Variants in ZEB1 observed in about 807,000 individuals in gnomAD.
ZEB1 encodes zinc finger E-box-binding homeobox 1.
A neutral mutation model predicts 84.9 loss-of-function variants in ZEB1; 21 were observed. That is an observed-to-expected ratio of 0.25 (90% confidence interval 0.18 to 0.36). The LOEUF is 0.36. Ranked by LOEUF, ZEB1 falls within the 10% of genes least tolerant of loss-of-function variation. The probability of loss-of-function intolerance (pLI) is 1.00; values close to 1 mark genes in which losing one functional copy is unlikely to be tolerated. For synonymous variants in ZEB1, 420 were observed against 471.1 expected (o/e 0.89, Z 1.41); for missense variants, 1,104 against 1,330.2 (o/e 0.83, Z 2.65).
chr10:31,352,943 C>G (rs2041545798), intron 1 of ZEB1, among the ~76,000 whole-genome samples: 1 of 152,172 alleles, frequency 6.6e-6, no homozygotes, highest in Admixed American at 6.5e-5. Flanking sequence ...TGTATTGTTG[C>G]AGCCATCTAT....
At chr10:31,342,437 G>A (rs1389351416) in intron 1 of ZEB1, among the ~76,000 whole-genome samples, 1 of 152,122 alleles carries the variant, frequency 6.6e-6, no homozygotes, top group African/African-American at 2.4e-5. Context: ...TATCATCAGA[G>A]AGTAAAATGG....
At chr10:31,470,317 A>C (rs1399774238) in intron 2 of ZEB1, among the ~76,000 whole-genome samples, 162 of 147,056 alleles carry the variant, frequency 1.1e-3, no homozygotes, top group African/African-American at 3.9e-3. Context: ...AACTTTGAAA[A>C]AAATTTAGAA....
intron 1 of ZEB1, among the ~76,000 whole-genome samples, chr10:31,413,836 T>C (rs112411564): frequency 1.4e-4 from 22 of 152,190 alleles, no homozygotes; most frequent in African/African-American, 5.1e-4. Context: ...TCATAGCGAT[T>C]AACTTGATAA....
At position 31,458,025 on chromosome 10, in the gene ZEB1, G is replaced by A. The variant is rs72639511; in HGVS notation, c.59-3012G>A. Reference sequence around the variant, plus strand: ...CTCAAGATACCAAAGATGTCCAGAAGCCTCCCTTCGCAAAACAGCAGGAAT... The same window carrying A: ...CTCAAGATACCAAAGATGTCCAGAAACCTCCCTTCGCAAAACAGCAGGAAT... On this transcript the variant is annotated intron_variant, in intron 1 of 8. Transcript: ENST00000424869. 0.013 allele frequency among the ~76,000 whole-genome samples: 1,963 copies of A among 152,134 alleles called. 109 individuals carry two copies. In the East Asian group the frequency reaches 0.18, roughly 14 times the overall value.
At chr10:31,444,254 G>T (rs1319583563) in intron 1 of ZEB1, among the ~76,000 whole-genome samples, 1 of 106,896 alleles carries the variant, frequency 9.4e-6, no homozygotes, top group African/African-American at 3.8e-5. Context: ...ACTTTTTGAT[G>T]GGGTTGTTTG....
chr10:31,486,620 G>A (rs1464030641), intron 2 of ZEB1, among the ~76,000 whole-genome samples: 3 of 146,750 alleles, frequency 2.0e-5, no homozygotes, highest in Admixed American at 1.4e-4. Context: ...TAGGGTACAT[G>A]TTCACAATGT....
In ZEB1 at chr10:31,520,463, T is replaced by C. The variant is rs1319263957; in HGVS notation, c.1131T>C (p.Thr377=). The change falls in exon 7 of 9, where the codon ACT becomes ACC. Residue 377 remains threonine, a synonymous_variant. Transcript: ENST00000424869. This position sits in a 1 kb window ranked among gnomAD's most constrained non-coding sequence, Gnocchi z 5.1. ...CCCCTTTACAAAATGGGGTTTTCAC[T>C]GGTGGTGGCCCATTACAGGCAACCA... ...CSTPLQNGVF[T]GGGPLQATSS... 2 of 1,613,940 alleles carry C rather than the reference T, an allele frequency of 1.2e-6. No homozygotes were observed. Among genetic ancestry groups the C allele is most frequent in the Non-Finnish European group, 1.7e-6 (2 of 1,179,960 alleles).
chr10:31,359,919 G>A (rs542601049), intron 1 of ZEB1, among the ~76,000 whole-genome samples: 4 of 152,124 alleles, frequency 2.6e-5, no homozygotes, highest in Non-Finnish European at 5.9e-5. Context: ...GGGCTACTGA[G>A]GTATGTCATA....
intron 5 of ZEB1, among the ~76,000 whole-genome samples, chr10:31,512,255 G>A (rs1036387547): frequency 3.9e-5 from 6 of 152,192 alleles, no homozygotes; most frequent in African/African-American, 7.2e-5. Context: ...AAGGGCCATC[G>A]TGAAAGGAGA....
intron 1 of ZEB1, among the ~76,000 whole-genome samples, chr10:31,447,508 C>G (rs1357820569): frequency 7.5e-6 from 1 of 132,668 alleles, no homozygotes; most frequent in Non-Finnish European, 1.6e-5. Flanking sequence ...TCTTCCTAGT[C>G]TCGATGGTCT....
intron 1 of ZEB1, chr10:31,358,469 C>T (rs1377588618): frequency 6.6e-6 from 1 of 152,012 alleles, no homozygotes; most frequent in East Asian, 1.9e-4. Flanking sequence ...TTAATAGACA[C>T]CTGTCTGTAG....
intron 1 of ZEB1, among the ~76,000 whole-genome samples, chr10:31,421,238 C>T (rs950098847): frequency 6.6e-6 from 1 of 151,992 alleles, no homozygotes; most frequent in African/African-American, 2.4e-5. Context: ...CAGATGCACC[C>T]TCCATGGCAT....
intron 1 of ZEB1, among the ~76,000 whole-genome samples, chr10:31,389,995 A>G (rs1360550540): frequency 6.6e-6 from 1 of 152,162 alleles, no homozygotes; most frequent in Non-Finnish European, 1.5e-5. Flanking sequence ...TTAGCCTCAT[A>G]CATGCCAAAA....
intron 1 of ZEB1, among the ~76,000 whole-genome samples, chr10:31,361,577 G>C: frequency 6.6e-6 from 1 of 152,184 alleles, no homozygotes; most frequent in East Asian, 1.9e-4. Context: ...CCGGGTGGGG[G>C]CACTCCTCAC....
At chr10:31,398,774 T>C (rs1322095245) in intron 1 of ZEB1, among the ~76,000 whole-genome samples, 1 of 152,158 alleles carries the variant, frequency 6.6e-6, no homozygotes, top group Admixed American at 6.5e-5. Flanking sequence ...TTAGATACTA[T>C]ACTACACTGT....
intron 2 of ZEB1, among the ~76,000 whole-genome samples, chr10:31,491,939 C>T (rs925274446): frequency 6.6e-6 from 1 of 151,924 alleles, no homozygotes; most frequent in East Asian, 1.9e-4. Context: ...TACAGTGAAA[C>T]ATTTCATCTC....
At chr10:31,485,013 A>G (rs1047884126) in intron 2 of ZEB1, among the ~76,000 whole-genome samples, 14 of 151,814 alleles carry the variant, frequency 9.2e-5, no homozygotes, top group Non-Finnish European at 1.5e-4. Context: ...TTGTATTTCA[A>G]CATCTATAGA....
At chr10:31,474,816 G>A (rs560137505) in intron 2 of ZEB1, among the ~76,000 whole-genome samples, 49 of 152,110 alleles carry the variant, frequency 3.2e-4, no homozygotes, top group African/African-American at 1.1e-3. Flanking sequence ...CAACCCAAAT[G>A]TCCAACAATG....
intron 7 of ZEB1, among the ~76,000 whole-genome samples, chr10:31,523,550 T>A (rs956969768): frequency 6.6e-6 from 1 of 152,230 alleles, no homozygotes; most frequent in African/African-American, 2.4e-5. Context: ...AGCGATTAAT[T>A]AGCAAACTAA....
Sources: allele counts gnomAD v4.1 joint callset (sites outside exome capture counted in the v4.1 genomes callset), GRCh38; gene constraint gnomAD v4.1.1; non-coding constraint Gnocchi (gnomAD v3.1); transcripts MANE v1.5; gene names NCBI Gene and HGNC (gene_info 2026-07-23, HGNC 2026-07-21).